Variants in SELENOF observed in about 807,000 individuals in gnomAD.
SELENOF encodes selenoprotein F, also known as 15 kDa selenoprotein.
A neutral mutation model predicts 20.5 loss-of-function variants in SELENOF; 16 were observed. That is an observed-to-expected ratio of 0.78 (90% CI 0.53 to 1.19). The LOEUF is 1.19. Among genes scored for constraint, SELENOF ranks in the 50% most tolerant of loss-of-function variants. SELENOF has a pLI of 0.00. For missense variants in SELENOF, 215 were observed against 194.2 expected (o/e 1.11, Z -0.64); for synonymous variants, 78 against 74.5 (o/e 1.05, Z -0.24).
chr1:86,877,768 T>A (rs1340974831), intron 3 of SELENOF, among the ~76,000 whole-genome samples: 1 of 152,234 alleles, frequency 6.6e-6, no homozygotes. Context: ...CTTTTTTTAA[T>A]AAAGTTCTAC....
chr1:86,900,926 T>TG (rs1360511535), intron 2 of SELENOF, among the ~76,000 whole-genome samples: 1 of 152,162 alleles, frequency 6.6e-6, no homozygotes, highest in East Asian at 1.9e-4. Flanking sequence ...AGGGTCTCTC[T>TG]CTGCTGCTCA....
rs1658495638 is a variant in SELENOF, at chr1:86,862,991, A to G, written c.*483T>C. ...GTAAACTATAAATAACATTTGTATT[A>G]AAAAGAAAGCTGGGTAATACAAAAA... On this transcript the variant is annotated 3_prime_UTR_variant, in exon 5 of 5. Transcript: ENST00000331835. 6.5e-6 allele frequency: 1 copy of G among 152,804 alleles called. No individual in the cohort carries two copies. The highest frequency in any genetic ancestry group is 1.5e-5 in the Non-Finnish European group (1 of 68,136). The allele number at this position is 152,804 out of a possible 1,614,324, so 9.5% of individuals were successfully genotyped here. A position where few individuals can be genotyped will look rare whatever the true frequency, so the allele number is the denominator to read the frequency against.
intron 1 of SELENOF, among the ~76,000 whole-genome samples, chr1:86,906,413 A>G (rs1164093311): frequency 6.6e-6 from 1 of 152,248 alleles, no homozygotes; most frequent in Admixed American, 6.5e-5. Context: ...ATGTTCTTAC[A>G]ATGTTAGTCC....
intron 3 of SELENOF, among the ~76,000 whole-genome samples, chr1:86,872,923 G>A (rs1357404195): frequency 1.3e-5 from 2 of 152,012 alleles, no homozygotes; most frequent in East Asian, 1.9e-4. Context: ...CGCCTGTAGC[G>A]CGGCTACTCC....
At chr1:86,913,019 A>C (rs767309689) in intron 1 of SELENOF, among the ~76,000 whole-genome samples, 7 of 152,208 alleles carry the variant, frequency 4.6e-5, no homozygotes, top group Non-Finnish European at 1.0e-4. Context: ...CTAGCACCAA[A>C]TGCCTGAATA....
chr1:86,874,589 C>A (rs948874369), intron 3 of SELENOF, among the ~76,000 whole-genome samples: 27 of 150,922 alleles, frequency 1.8e-4, no homozygotes, highest in Middle Eastern at 6.8e-3. Flanking sequence ...AAAAAAAAAA[C>A]CCCAAAACCC....
intron 3 of SELENOF, among the ~76,000 whole-genome samples, chr1:86,876,176 A>G (rs755953118): frequency 3.3e-5 from 5 of 151,980 alleles, no homozygotes; most frequent in Admixed American, 6.6e-5. Flanking sequence ...TTGAAAATAC[A>G]GAAAAGAGAA....
chr1:86,895,073 T>C (rs1659484745), intron 2 of SELENOF, among the ~76,000 whole-genome samples: 2 of 152,192 alleles, frequency 1.3e-5, no homozygotes, highest in Admixed American at 1.3e-4. Context: ...GAAAGTAGGA[T>C]TGTGTTTGAC....
chr1:86,880,527 T>C (rs1193112711), intron 3 of SELENOF, 135 bp downstream of exon 3: 3 of 513,672 alleles, frequency 5.8e-6, no homozygotes, highest in South Asian at 3.3e-5. Flanking sequence ...TGAAAACAAA[T>C]TGAAAAAAAA....
At chr1:86,910,849 C>T (rs1448567105) in intron 1 of SELENOF, among the ~76,000 whole-genome samples, 2 of 152,174 alleles carry the variant, frequency 1.3e-5, no homozygotes, top group African/African-American at 2.4e-5. Flanking sequence ...TTTTCATCTA[C>T]ACACCTCCAG....
chr1:86,863,808 CTCATTCAT>C (rs35815295), intron 4 of SELENOF, among the ~76,000 whole-genome samples: 2 of 151,628 alleles, frequency 1.3e-5, no homozygotes, highest in South Asian at 2.1e-4. Context: ...AAAAAAATCA[CTCATTCAT>C]TCATTCATTC....
intron 2 of SELENOF, 60 bp downstream of exon 2, chr1:86,903,221 A>T: frequency 6.9e-7 from 1 of 1,444,390 alleles, no homozygotes; most frequent in Non-Finnish European, 9.3e-7. Context: ...TAAGCAACTT[A>T]CATTTTTACC....
intron 2 of SELENOF, among the ~76,000 whole-genome samples, chr1:86,892,177 C>G (rs912839715): frequency 2.4e-5 from 2 of 81,654 alleles, no homozygotes; most frequent in East Asian, 2.1e-4. Context: ...CATGATCCAC[C>G]CCCCCGGCAC....
chr1:86,885,158 C>T (rs577545547), intron 2 of SELENOF, among the ~76,000 whole-genome samples: 17 of 152,220 alleles, frequency 1.1e-4, no homozygotes, highest in African/African-American at 4.1e-4. Context: ...TTAACTACTA[C>T]AGGTACTACA....
chr1:86,870,382 C>T (rs1440689716), intron 3 of SELENOF, among the ~76,000 whole-genome samples: 1 of 152,152 alleles, frequency 6.6e-6, no homozygotes, highest in African/African-American at 2.4e-5. Context: ...TCCAGATATT[C>T]TGCAAACTCC....
chr1:86,903,405 T>TTTTA lies in SELENOF; in HGVS notation c.127_128insTAAA (p.Glu43ValfsTer7). ...AAGCAAGTTGCTAGAAAAGCCTAAC[T>TTTTA]CTCTGCATGCCTCCGATGAAAACTC... On this transcript the variant is annotated frameshift_variant, in exon 2 of 5. Transcript: ENST00000331835. LOFTEE classifies it high-confidence loss of function. 6.2e-7 allele frequency: 1 copy of TTTTA among 1,611,088 alleles called. No individual in the cohort carries two copies. Among genetic ancestry groups the TTTTA allele is most frequent in the Non-Finnish European group, 8.5e-7 (1 of 1,178,642 alleles).
At chr1:86,886,915 AAT>A (rs1396068784) in intron 2 of SELENOF, among the ~76,000 whole-genome samples, 27 of 152,192 alleles carry the variant, frequency 1.8e-4, no homozygotes, top group African/African-American at 5.5e-4. Context: ...CTCAAATATA[AAT>A]GAGTCACTTT....
intron 1 of SELENOF, among the ~76,000 whole-genome samples, chr1:86,910,795 G>C (rs553598530): frequency 1.3e-5 from 2 of 151,460 alleles, no homozygotes; most frequent in Non-Finnish European, 2.9e-5. Context: ...ATCTAAGGCA[G>C]AGTCCAAGCA....
At chr1:86,900,498 A>C (rs1256060824) in intron 2 of SELENOF, among the ~76,000 whole-genome samples, 1 of 151,532 alleles carries the variant, frequency 6.6e-6, no homozygotes, top group African/African-American at 2.4e-5. Context: ...TGAGGCAGGA[A>C]AATCAGGCAG....
Sources: gnomAD v4.1 joint callset for allele counts (sites outside exome capture counted in the v4.1 genomes callset) on GRCh38, gnomAD v4.1.1 for gene constraint, MANE v1.5 for transcripts, NCBI Gene and HGNC (gene_info 2026-07-23, HGNC 2026-07-21) for gene names.